The following KCND2 variants were observed in gnomAD, a reference collection of about 807,000 sequenced individuals.
KCND2 encodes A-type voltage-gated potassium channel KCND2.
A neutral mutation model predicts 54.4 loss-of-function variants in KCND2; 16 were observed. That is an observed-to-expected ratio of 0.29 (90% CI 0.20 to 0.45). The LOEUF (loss-of-function observed/expected upper bound fraction) is 0.45, where lower values mean the gene tolerates loss of function less well. Among genes scored for constraint, KCND2 ranks in the 20% least tolerant of loss-of-function variants. The pLI is 1.00. For missense variants in KCND2, 486 were observed against 824.2 expected (o/e 0.59, Z 5.02); for synonymous variants, 317 against 310.7 (o/e 1.02, Z -0.21).
intron 1 of KCND2, among the ~76,000 whole-genome samples, chr7:120,532,032 A>G (rs765189636): frequency 6.6e-6 from 1 of 152,106 alleles, no homozygotes; most frequent in Non-Finnish European, 1.5e-5. Flanking sequence ...GGACAGGTCA[A>G]ACAGAACTCT....
At chr7:120,502,644 A>G (rs1425176207) in intron 1 of KCND2, among the ~76,000 whole-genome samples, 1 of 152,048 alleles carries the variant, frequency 6.6e-6, no homozygotes, top group East Asian at 1.9e-4. Context: ...TTTCTTGAAC[A>G]AAACTATGAG....
chr7:120,552,183 A>G (rs888893140), intron 1 of KCND2, among the ~76,000 whole-genome samples: 1 of 152,196 alleles, frequency 6.6e-6, no homozygotes, highest in Admixed American at 6.5e-5. Context: ...ATATATTAAA[A>G]TTTCAATCAT....
rs1791882758 is a variant in KCND2, at chr7:120,662,812, T to G, written c.1116-70091T>G. ...TGGAGTAAAGATCTGTGCCTGGTCC[T>G]GATTTCTGTTACCTGCTCATTTTTT... On this transcript the variant is annotated intron_variant, in intron 1 of 5. Coordinates refer to ENST00000331113, the MANE Select transcript of KCND2 (RefSeq NM_012281.3). Among the ~76,000 whole-genome samples, 3 of 152,236 alleles carry G rather than the reference T, an allele frequency of 2.0e-5. 1 individual carries two copies. In the South Asian group the frequency reaches 6.2e-4, roughly 32 times the overall value.
At chr7:120,661,283 C>T (rs935848042) in intron 1 of KCND2, among the ~76,000 whole-genome samples, 3 of 152,054 alleles carry the variant, frequency 2.0e-5, no homozygotes, top group Non-Finnish European at 2.9e-5. Flanking sequence ...AATATTCTAA[C>T]GCATCATTAG....
chr7:120,572,082 T>C (rs899278367), intron 1 of KCND2, among the ~76,000 whole-genome samples: 4 of 152,194 alleles, frequency 2.6e-5, no homozygotes, highest in African/African-American at 9.6e-5. Context: ...GCTGGTTAAA[T>C]GAAAAGAACG....
intron 1 of KCND2, among the ~76,000 whole-genome samples, chr7:120,655,403 C>A (rs1023214465): frequency 6.6e-6 from 1 of 151,980 alleles, no homozygotes; most frequent in African/African-American, 2.4e-5. Context: ...GGGTTGCATT[C>A]CTAATTACTC....
intron 1 of KCND2, among the ~76,000 whole-genome samples, chr7:120,599,786 C>T (rs1792791758): frequency 6.6e-6 from 1 of 151,776 alleles, no homozygotes; most frequent in Non-Finnish European, 1.5e-5. Context: ...GATCTGCATG[C>T]CTTTTTATTT....
chr7:120,451,202 G>T (rs747694748), intron 1 of KCND2, among the ~76,000 whole-genome samples: 1 of 152,124 alleles, frequency 6.6e-6, no homozygotes, highest in Non-Finnish European at 1.5e-5. Flanking sequence ...TATGGCCCCT[G>T]AGTCTGCCTG....
At chr7:120,590,967 T>G (rs375520419) in intron 1 of KCND2, among the ~76,000 whole-genome samples, 1 of 152,190 alleles carries the variant, frequency 6.6e-6, no homozygotes, top group Non-Finnish European at 1.5e-5. Context: ...ATATTTTTTT[T>G]CTTGGGCTGC....
chr7:120,652,428 G>A (rs1234764273), intron 1 of KCND2, among the ~76,000 whole-genome samples: 1 of 152,100 alleles, frequency 6.6e-6, no homozygotes, highest in Non-Finnish European at 1.5e-5. Context: ...AAAACTGAAG[G>A]GTGGAGAGAC....
chr7:120,570,503 G>A (rs1239941546), intron 1 of KCND2, among the ~76,000 whole-genome samples: 2 of 151,080 alleles, frequency 1.3e-5, no homozygotes, highest in Admixed American at 6.6e-5. Context: ...AACCTATGTA[G>A]TATGAACCAA....
intron 1 of KCND2, among the ~76,000 whole-genome samples, chr7:120,431,826 T>G (rs1801791672): frequency 1.3e-5 from 2 of 152,140 alleles, no homozygotes; most frequent in African/African-American, 4.8e-5. Context: ...TGTCCCTCTC[T>G]TTTCTCTATC....
At chr7:120,340,216 G>A (rs1800221501) in intron 1 of KCND2, among the ~76,000 whole-genome samples, 2 of 152,212 alleles carry the variant, frequency 1.3e-5, no homozygotes, top group Non-Finnish European at 2.9e-5. Context: ...AGTAATCCAC[G>A]TAAGTGATAA....
chr7:120,433,865 A>G (rs935112599), intron 1 of KCND2, among the ~76,000 whole-genome samples: 1 of 152,176 alleles, frequency 6.6e-6, no homozygotes, highest in African/African-American at 2.4e-5. Flanking sequence ...TGATGATGGG[A>G]TTATTTTTCT....
At chr7:120,447,097 TACTC>T (rs983795551) in intron 1 of KCND2, among the ~76,000 whole-genome samples, 1 of 152,070 alleles carries the variant, frequency 6.6e-6, no homozygotes, top group African/African-American at 2.4e-5. Flanking sequence ...GTTAAATAAT[TACTC>T]AAGAAATGGA....
chr7:120,575,204 G>T (rs1792415458), intron 1 of KCND2, among the ~76,000 whole-genome samples: 1 of 152,130 alleles, frequency 6.6e-6, no homozygotes, highest in African/African-American at 2.4e-5. Flanking sequence ...TGCAAGCTGA[G>T]GATCAAGGAA....
chr7:120,629,368 C>G (rs1332648787), intron 1 of KCND2, among the ~76,000 whole-genome samples: 2 of 152,170 alleles, frequency 1.3e-5, no homozygotes, highest in African/African-American at 4.8e-5. Context: ...CGCCTGTAGT[C>G]CCAGCTACTC....
intron 1 of KCND2, among the ~76,000 whole-genome samples, chr7:120,295,040 A>G (rs1799488428): frequency 6.6e-6 from 1 of 151,832 alleles, no homozygotes; most frequent in African/African-American, 2.4e-5. Context: ...TTTGATGAAA[A>G]TACACAGTAT....
chr7:120,347,504 C>T (rs192100889), intron 1 of KCND2, among the ~76,000 whole-genome samples: 2 of 152,016 alleles, frequency 1.3e-5, no homozygotes, highest in Non-Finnish European at 2.9e-5. Flanking sequence ...AAGCCTGTAA[C>T]CCCAGCACTT....
Sources: gnomAD v4.1 joint callset for allele counts (sites outside exome capture counted in the v4.1 genomes callset) on GRCh38, gnomAD v4.1.1 for gene constraint, MANE v1.5 for transcripts, NCBI Gene and HGNC (gene_info 2026-07-23, HGNC 2026-07-21) for gene names.